CFAP92: variants seen among roughly 807,000 people sequenced by gnomAD.
The protein encoded by CFAP92 is cilia and flagella associated protein 92 (putative).
CFAP92 carries 86 observed loss-of-function variants against 106.3 expected under a neutral mutation model. That is an observed-to-expected ratio of 0.81 (90% CI 0.68 to 0.97). CFAP92 has a LOEUF of 0.97. CFAP92 is among the 50% of genes least tolerant of loss of function. The probability of loss-of-function intolerance (pLI) is 0.00; values close to 1 mark genes in which losing one functional copy is unlikely to be tolerated. For synonymous variants in CFAP92, 477 were observed against 506.4 expected, an observed-to-expected ratio of 0.94 and a Z score of 0.78; for missense variants, 1,204 against 1,283.8, an observed-to-expected ratio of 0.94 and a Z score of 0.95.
intron 1 of CFAP92, among the ~76,000 whole-genome samples, chr3:128,999,325 C>A (rs566576050): frequency 6.6e-6 from 1 of 152,240 alleles, no homozygotes; most frequent in South Asian, 2.1e-4. Flanking sequence ...CATTATCAAC[C>A]CTTACTTCCC....
chr3:128,981,890 C>G (rs9850304), intron 4 of CFAP92, among the ~76,000 whole-genome samples: 44,228 of 152,028 alleles, frequency 0.29, 6,993 homozygotes, highest in African/African-American at 0.4. Context: ...TAGGTGTCAA[C>G]AGTTGGCTTT....
intron 12 of CFAP92, among the ~76,000 whole-genome samples, chr3:128,925,450 G>A (rs1937581749): frequency 6.6e-6 from 1 of 152,108 alleles, no homozygotes; most frequent in South Asian, 2.1e-4. Flanking sequence ...TAGCCTGGGG[G>A]TTGGGGACCC....
intron 10 of CFAP92, among the ~76,000 whole-genome samples, chr3:128,936,844 T>C (rs781597246): frequency 6.6e-6 from 1 of 152,198 alleles, no homozygotes; most frequent in Non-Finnish European, 1.5e-5. Flanking sequence ...ATTTTTAAAT[T>C]TAGAGATTCA....
intron 10 of CFAP92, among the ~76,000 whole-genome samples, chr3:128,935,697 A>C (rs1938932420): frequency 6.6e-6 from 1 of 151,940 alleles, no homozygotes; most frequent in South Asian, 2.1e-4. Flanking sequence ...GGGTAACAAG[A>C]GCGAAACTCC....
At chr3:128,944,353 G>A (rs1053917196) in intron 10 of CFAP92, among the ~76,000 whole-genome samples, 2 of 152,010 alleles carry the variant, frequency 1.3e-5, no homozygotes, top group Admixed American at 1.3e-4. Flanking sequence ...AGCTTCTCCC[G>A]GTGCCTCTGG....
At chr3:128,988,970 G>A in intron 2 of CFAP92, 52 bp from the exon 3 acceptor site, 2 of 1,400,234 alleles carry the variant, frequency 1.4e-6, no homozygotes. Flanking sequence ...TGGAAAAGCA[G>A]ACCCGTCTCC....
At chr3:128,974,879 G>A (rs1461999302) in intron 7 of CFAP92, among the ~76,000 whole-genome samples, 1 of 151,210 alleles carries the variant, frequency 6.6e-6, no homozygotes, top group Non-Finnish European at 1.5e-5. Context: ...CCAGCACTTT[G>A]GGAGGCCGAG....
intron 8 of CFAP92, chr3:128,967,639 T>C (rs1351309468): frequency 6.7e-6 from 1 of 149,984 alleles, no homozygotes; most frequent in African/African-American, 2.5e-5. Context: ...GAGGCGGAGG[T>C]TGCGGTGAGC....
intron 9 of CFAP92, among the ~76,000 whole-genome samples, chr3:128,963,447 C>G (rs1423875436): frequency 6.6e-6 from 1 of 152,176 alleles, no homozygotes; most frequent in South Asian, 2.1e-4. Flanking sequence ...CTTCCTCATA[C>G]CTGACGCATA....
the CFAP92 span, among the ~76,000 whole-genome samples, chr3:129,023,252 C>T: frequency 2.6e-5 from 4 of 151,342 alleles, no homozygotes; most frequent in Admixed American, 1.3e-4. Flanking sequence ...ATACTAAGTT[C>T]GGCTTCAGAT....
At position 128,915,353 on chromosome 3, in the gene CFAP92, G is replaced by A. The variant is rs748296537; in HGVS notation, c.3123+4C>T. ...CACCTGAGACCCTGCTCTTCCCTGT[G>A]GACCTCATTCAGCTCTTTGATGGGT... On this transcript the variant is annotated splice_donor_region_variant and intron_variant, in intron 14 of 15. Coordinates refer to ENST00000645291, the MANE Select transcript of CFAP92 (RefSeq NM_001394090.1). The A allele has an allele frequency of 2.0e-6, 3 of 1,536,114 alleles. No individual in the cohort carries two copies. In the South Asian group the frequency reaches 3.6e-5, roughly 18 times the overall value.
intron 7 of CFAP92, among the ~76,000 whole-genome samples, chr3:128,975,109 G>A (rs1943062611): frequency 6.6e-6 from 1 of 151,906 alleles, no homozygotes; most frequent in Admixed American, 6.6e-5. Context: ...GACAGAGTGA[G>A]ACTCCATCTC....
chr3:128,914,570 A>C (rs1049216650), intron 15 of CFAP92: 1 of 152,456 alleles, frequency 6.6e-6, no homozygotes, highest in Admixed American at 6.5e-5. Flanking sequence ...TGGCTCTGTT[A>C]ACCAAGTTTG....
intron 4 of CFAP92, among the ~76,000 whole-genome samples, chr3:128,982,279 TTA>T (rs1447741742): frequency 1.3e-5 from 2 of 152,246 alleles, no homozygotes; most frequent in Admixed American, 1.3e-4. Flanking sequence ...CCTTACACTT[TTA>T]TGTTATGGAG....
At chr3:128,999,763 G>C (rs940235186) in intron 1 of CFAP92, among the ~76,000 whole-genome samples, 2 of 151,856 alleles carry the variant, frequency 1.3e-5, no homozygotes, top group African/African-American at 2.4e-5. Context: ...GGCTGTTCTC[G>C]AACTCTTGAC....
At chr3:128,977,815 T>C (rs867100093) in intron 5 of CFAP92, among the ~76,000 whole-genome samples, 7 of 152,146 alleles carry the variant, frequency 4.6e-5, no homozygotes, top group African/African-American at 1.7e-4. Context: ...GCCAAGATCG[T>C]GCCATTGCAT....
chr3:129,003,271 C>T (rs1576691181), upstream of CFAP92: 2 of 985,380 alleles, frequency 2.0e-6, no homozygotes, highest in Non-Finnish European at 2.4e-6. Flanking sequence ...AACGGTCTTC[C>T]GGCATCTCTC....
intron 5 of CFAP92, 40 bp from the exon 6 acceptor site, chr3:128,977,106 T>C (rs1370859385): frequency 1.9e-6 from 3 of 1,545,584 alleles, no homozygotes; most frequent in Non-Finnish European, 2.7e-6. Context: ...TTTTGTTACA[T>C]GCTAGTTCAC....
intron 10 of CFAP92, among the ~76,000 whole-genome samples, chr3:128,939,341 G>A (rs1437767429): frequency 1.3e-5 from 2 of 152,032 alleles, no homozygotes; most frequent in African/African-American, 2.4e-5. Context: ...TTTTCACCAT[G>A]TTGGCCAGGC....
Sources: gnomAD v4.1 joint callset for allele counts (sites outside exome capture counted in the v4.1 genomes callset) on GRCh38, gnomAD v4.1.1 for gene constraint, MANE v1.5 for transcripts, NCBI Gene and HGNC (gene_info 2026-07-23, HGNC 2026-07-21) for gene names.